TMEM132D: variants seen among roughly 807,000 people sequenced by gnomAD.
The protein encoded by TMEM132D is transmembrane protein 132D, also known as mature OL transmembrane protein.
A neutral mutation model predicts 62.3 loss-of-function variants in TMEM132D; 21 were observed. The ratio of observed to expected loss-of-function variants is 0.34; its 90% CI spans 0.24 to 0.49. The LOEUF (loss-of-function observed/expected upper bound fraction) is 0.49, where lower values mean the gene tolerates loss of function less well. TMEM132D is among the 20% of genes least tolerant of loss of function. The pLI, the probability that TMEM132D is intolerant of heterozygous loss-of-function variation, is 0.99. For synonymous variants in TMEM132D, 621 were observed against 575.6 expected (o/e 1.08, Z -1.13); for missense variants, 1,346 against 1,402.8 (o/e 0.96, Z 0.65).
chr12:129,078,561 A>C lies in TMEM132D; in HGVS notation c.2088T>G (p.Ala696=), dbSNP rs530811283. ...SNRAIFATAV[A]QELLQRPKQE... ...GTTTTGGCCTCTGCAGAAGTTCCTG[A>C]GCCACTGCAGTGGCAAAGATGGCCC... The change falls in exon 8 of 9, where the codon GCT becomes GCG. Residue 696 remains alanine (A), a synonymous_variant. Coordinates refer to ENST00000422113, the MANE Select transcript of TMEM132D (RefSeq NM_133448.3). 5 of 1,614,010 alleles carry C rather than the reference A, an allele frequency of 3.1e-6. No homozygotes were observed. In the South Asian group the frequency reaches 4.4e-5, roughly 14 times the overall value.
At chr12:129,858,895 A>G (rs71466457) in intron 1 of TMEM132D, among the ~76,000 whole-genome samples, 1,095 of 105,258 alleles carry the variant, frequency 0.01, 63 homozygotes, top group Admixed American at 0.061. Flanking sequence ...CCCTTATAAC[A>G]GAGTCCGGGG....
chr12:129,760,584 G>C (rs1020287063), intron 1 of TMEM132D, among the ~76,000 whole-genome samples: 1 of 150,742 alleles, frequency 6.6e-6, no homozygotes, highest in East Asian at 2.0e-4. Context: ...CTGAGTTCCG[G>C]ATCCGCCTGC....
intron 2 of TMEM132D, among the ~76,000 whole-genome samples, chr12:129,625,216 A>AT (rs1879181288): frequency 6.6e-6 from 1 of 151,990 alleles, no homozygotes; most frequent in Admixed American, 6.6e-5. Context: ...TTTTTCATTC[A>AT]TTTTTAAGAG....
At chr12:129,219,552 C>T (rs1450630516) in intron 4 of TMEM132D, among the ~76,000 whole-genome samples, 2 of 152,256 alleles carry the variant, frequency 1.3e-5, no homozygotes, top group East Asian at 3.9e-4. Flanking sequence ...CAGTTGCTCC[C>T]ATGCAAGGAG....
At chr12:129,188,767 GAGAGAGAGAGA>G (rs1878297144) in intron 5 of TMEM132D, among the ~76,000 whole-genome samples, 1 of 3,550 alleles carries the variant, frequency 2.8e-4, no homozygotes, top group African/African-American at 3.5e-4. Flanking sequence ...GAGAGGGAGA[GAGAGAGAGAGA>G]GAGAGAGAGA....
intron 2 of TMEM132D, among the ~76,000 whole-genome samples, chr12:129,624,505 G>A (rs1593094252): frequency 6.6e-6 from 1 of 152,222 alleles, no homozygotes; most frequent in South Asian, 2.1e-4. Context: ...GGGAGATAAT[G>A]GTCATCAGAG....
chr12:129,490,695 T>C (rs1054944254), intron 3 of TMEM132D, among the ~76,000 whole-genome samples: 29 of 147,028 alleles, frequency 2.0e-4, no homozygotes, highest in Non-Finnish European at 4.3e-4. Context: ...CCTCGTGATC[T>C]GTCAGCCTCG....
intron 1 of TMEM132D, among the ~76,000 whole-genome samples, chr12:129,705,815 AG>A (rs1437564660): frequency 3.3e-5 from 5 of 152,190 alleles, no homozygotes; most frequent in Non-Finnish European, 7.4e-5. Flanking sequence ...TAAAAAATTC[AG>A]AATCCAAACA....
intron 5 of TMEM132D, among the ~76,000 whole-genome samples, chr12:129,180,920 G>A (rs1878047356): frequency 6.6e-6 from 1 of 152,138 alleles, no homozygotes; most frequent in Admixed American, 6.5e-5. Flanking sequence ...AGTCTAGAAT[G>A]TTTTCTTGGT....
At chr12:129,413,751 T>G (rs1872036105) in intron 3 of TMEM132D, among the ~76,000 whole-genome samples, 1 of 152,212 alleles carries the variant, frequency 6.6e-6, no homozygotes, top group South Asian at 2.1e-4. Context: ...CTTGGGGAGC[T>G]TACACTCAAT....
At chr12:129,491,192 G>A (rs973774088) in intron 3 of TMEM132D, among the ~76,000 whole-genome samples, 5 of 152,150 alleles carry the variant, frequency 3.3e-5, no homozygotes, top group South Asian at 2.1e-4. Context: ...CATGATGAGC[G>A]CTGAAAAGTC....
At position 129,434,532 on chromosome 12, in the gene TMEM132D, G is replaced by A. The variant is rs114630809; in HGVS notation, c.1115+96527C>T. Among the ~76,000 whole-genome samples, 512 of 152,192 alleles carry A rather than the reference G, an allele frequency of 3.4e-3. 4 individuals carry two copies. Among genetic ancestry groups the A allele is most frequent in the African/African-American group, 0.012 (495 of 41,514 alleles). On this transcript the variant is annotated intron_variant, in intron 3 of 8. Transcript: ENST00000422113. ...ACAACAGATGGCATGCTAAGGGGGC[G>A]TGTCTCAGTACTGACCCAGGCCACC...
chr12:129,715,645 A>T (rs1168672641), intron 1 of TMEM132D, among the ~76,000 whole-genome samples: 2 of 152,240 alleles, frequency 1.3e-5, no homozygotes, highest in Non-Finnish European at 2.9e-5. Flanking sequence ...CTCCACGGAA[A>T]TCTGTGCCTC....
chr12:129,473,328 T>TTG (rs1555259206), intron 3 of TMEM132D, among the ~76,000 whole-genome samples: 9 of 131,072 alleles, frequency 6.9e-5, no homozygotes, highest in Admixed American at 1.5e-4. Context: ...GTTTTTGTTT[T>TTG]TTTTTTTTTT....
chr12:129,840,621 G>A (rs867487517), intron 1 of TMEM132D: 3 of 152,082 alleles, frequency 2.0e-5, no homozygotes, highest in Non-Finnish European at 2.9e-5. Context: ...AGCCCAGGGC[G>A]GGGGCTGCGC....
At chr12:129,150,837 T>A (rs1044263824) in intron 5 of TMEM132D, among the ~76,000 whole-genome samples, 13 of 152,348 alleles carry the variant, frequency 8.5e-5, no homozygotes, top group African/African-American at 2.9e-4. Flanking sequence ...GGCCCCGGAC[T>A]AAAGTGATCT....
At chr12:129,587,602 G>A (rs374819450) in intron 2 of TMEM132D, among the ~76,000 whole-genome samples, 1 of 152,048 alleles carries the variant, frequency 6.6e-6, no homozygotes, top group South Asian at 2.1e-4. Context: ...TGTAAATATG[G>A]AACGGTTTGT....
At chr12:129,853,737 G>A (rs1183891093) in intron 1 of TMEM132D, 1 of 152,128 alleles carries the variant, frequency 6.6e-6, no homozygotes, top group African/African-American at 2.4e-5. Flanking sequence ...GGTCCCCTCT[G>A]AATGCCAGTG....
intron 5 of TMEM132D, among the ~76,000 whole-genome samples, chr12:129,166,691 A>C (rs1465551325): frequency 1.3e-4 from 15 of 111,622 alleles, no homozygotes; most frequent in East Asian, 1.0e-3. Context: ...ATACACATAC[A>C]CACACACACA....
Sources: gnomAD v4.1 joint callset for allele counts (sites outside exome capture counted in the v4.1 genomes callset) on GRCh38, gnomAD v4.1.1 for gene constraint, MANE v1.5 for transcripts, NCBI Gene and HGNC (gene_info 2026-07-23, HGNC 2026-07-21) for gene names.